The following UPF1 variants were observed in gnomAD, a reference collection of about 807,000 sequenced individuals.
UPF1 encodes the protein UPF1 RNA helicase and ATPase.
Under a neutral mutation model 129.2 loss-of-function variants are expected in UPF1, and 9 were observed. The observed-to-expected ratio is 0.07, with a 90% CI of 0.04 to 0.12. UPF1 has a LOEUF of 0.12. Ranked by LOEUF, UPF1 falls within the 10% of genes least tolerant of loss-of-function variation. The pLI, the probability that UPF1 is intolerant of heterozygous loss-of-function variation, is 1.00. For synonymous variants in UPF1, 649 were observed against 644.9 expected (o/e 1.01, Z -0.10); for missense variants, 788 against 1,525.3 (o/e 0.52, Z 8.05).
intron 20 of UPF1, 53 bp downstream of exon 20, chr19:18,864,304 C>A: frequency 1.3e-6 from 2 of 1,506,992 alleles, no homozygotes; most frequent in Non-Finnish European, 1.8e-6. Context: ...CACCGGGATG[C>A]TGGCCGTTCC....
At chr19:18,834,488 C>CAA (rs1224742991) in intron 1 of UPF1, among the ~76,000 whole-genome samples, 1 of 152,034 alleles carries the variant, frequency 6.6e-6, no homozygotes, top group Non-Finnish European at 1.5e-5. Flanking sequence ...CTGGGCTGTA[C>CAA]AAAAGGAGAG....
Position 18,832,516 on chromosome 19 carries a change from C to G in UPF1, c.231+76C>G. 1 of 969,172 alleles carries G rather than the reference C, an allele frequency of 1.0e-6. No individual in the cohort carries two copies. Among genetic ancestry groups the G allele is most frequent in the Middle Eastern group, 5.2e-4 (1 of 1,928 alleles). The allele number at this position is 969,172 out of a possible 1,614,324, so 60.0% of individuals were successfully genotyped here. On this transcript the variant is annotated intron_variant, in intron 1 of 23. Coordinates refer to ENST00000262803, the MANE Select transcript of UPF1 (RefSeq NM_002911.4). The surrounding 1 kb of genome is among the most constrained non-coding windows in gnomAD (Gnocchi z 5.6). ...AGACCTGCCCCGAACTCGCCTCGGGCCCGGCCTGTGTTTGGCCGGAGTCCC... is the reference window on the plus strand; with the variant it reads ...AGACCTGCCCCGAACTCGCCTCGGGGCCGGCCTGTGTTTGGCCGGAGTCCC...
intron 3 of UPF1, chr19:18,848,296 C>G (rs1307965203): frequency 6.0e-6 from 1 of 166,826 alleles, no homozygotes; most frequent in African/African-American, 2.4e-5. Context: ...CGGCGCTGGG[C>G]TTGCCTTCCT....
intron 1 of UPF1, chr19:18,833,186 T>C (rs2055447802): frequency 2.0e-5 from 3 of 152,206 alleles, no homozygotes; most frequent in Middle Eastern, 3.4e-3. Flanking sequence ...TCCCCATGCA[T>C]AGGGGCGCTG....
At chr19:18,844,305 G>C (rs371621324) in intron 1 of UPF1, among the ~76,000 whole-genome samples, 1 of 147,732 alleles carries the variant, frequency 6.8e-6, no homozygotes, top group Non-Finnish European at 1.5e-5. Flanking sequence ...GGGCCGGGGG[G>C]GGGTTTGGGT....
chr19:18,857,963 C>T (rs542385746), intron 15 of UPF1, among the ~76,000 whole-genome samples: 2 of 152,344 alleles, frequency 1.3e-5, no homozygotes, highest in Non-Finnish European at 2.9e-5. Context: ...CCCTTTTTCA[C>T]TCTGCTGACG....
At chr19:18,837,037 C>T (rs933967573) in intron 1 of UPF1, among the ~76,000 whole-genome samples, 5 of 152,096 alleles carry the variant, frequency 3.3e-5, no homozygotes, top group Admixed American at 3.3e-4. Flanking sequence ...CAGCCGTGAG[C>T]CACTGCGCCC....
intron 2 of UPF1, among the ~76,000 whole-genome samples, 178 bp downstream of exon 2, chr19:18,846,297 G>A (rs545156235): frequency 2.6e-5 from 4 of 152,294 alleles, no homozygotes; most frequent in East Asian, 1.9e-4. Flanking sequence ...GCCTGTTACC[G>A]GTCAGGAGGT....
At position 18,866,945 on chromosome 19, in the gene UPF1, GCGTGCGGGGCAGAGC is replaced by G. The variant is rs1442084529; in HGVS notation, c.*430_*444del. 6.6e-6 allele frequency: 1 copy of G among 152,636 alleles called. No homozygotes were observed. The highest frequency in any genetic ancestry group is 1.5e-5 in the Non-Finnish European group (1 of 68,058). The allele number at this position is 152,636 out of a possible 1,614,324, so 9.5% of individuals were successfully genotyped here. A position where few individuals can be genotyped will look rare whatever the true frequency, so the allele number is the denominator to read the frequency against. ...GAGCAGGCTCCTTGCAAAGACAGCA[GCGTGCGGGGCAGAGC>G]CCCGGGAGGGCGCGTCTGTCCACGC... On this transcript the variant is annotated 3_prime_UTR_variant, in exon 24 of 24. Coordinates refer to ENST00000262803, the MANE Select transcript of UPF1 (RefSeq NM_002911.4).
intron 11 of UPF1, 188 bp from the exon 12 acceptor site, chr19:18,855,737 A>G (rs1021410412): frequency 3.2e-5 from 25 of 788,234 alleles, no homozygotes; most frequent in East Asian, 8.3e-5. Flanking sequence ...GGTCCCAGCT[A>G]CTCAGGAGGC....
chr19:18,852,029 C>T, intron 5 of UPF1, 106 bp from the exon 6 acceptor site: 3 of 1,426,306 alleles, frequency 2.1e-6, no homozygotes, highest in Non-Finnish European at 2.8e-6. Context: ...GTGGCCCATT[C>T]TGAGAAGCGG....
intron 1 of UPF1, among the ~76,000 whole-genome samples, chr19:18,838,781 G>A (rs1403370439): frequency 2.6e-5 from 4 of 152,226 alleles, no homozygotes; most frequent in Non-Finnish European, 4.4e-5. Context: ...TGTTTGGTCA[G>A]CACTTACCCC....
Position 18,850,770 on chromosome 19 carries a change from T to G in UPF1, c.712T>G (p.Phe238Val). 6.2e-7 allele frequency: 1 copy of G among 1,611,904 alleles called. No homozygotes were observed. Among genetic ancestry groups the G allele is most frequent in the South Asian group, 1.1e-5 (1 of 90,740 alleles). Reference protein sequence around the residue: ...QWQPLIQDRCFLSWLVKIPSE... With the variant: ...QWQPLIQDRCVLSWLVKIPSE... ...GCAGCCGCTGATCCAGGACCGCTGCTTCCTGTCCTGGCTGGTCAAGATCCC... is the reference window on the plus strand; with the variant it reads ...GCAGCCGCTGATCCAGGACCGCTGCGTCCTGTCCTGGCTGGTCAAGATCCC... The change falls in exon 5 of 24, where the codon TTC becomes GTC. Residue 238 changes from phenylalanine (F) to valine (V), a missense_variant. Coordinates refer to ENST00000262803, the MANE Select transcript of UPF1 (RefSeq NM_002911.4). This position sits in a 1 kb window ranked among gnomAD's most constrained non-coding sequence, Gnocchi z 7.1.
chr19:18,841,838 C>G (rs759654351), intron 1 of UPF1, among the ~76,000 whole-genome samples: 55 of 152,296 alleles, frequency 3.6e-4, no homozygotes, highest in Non-Finnish European at 5.3e-4. Context: ...CTGGCTGGAA[C>G]AAGGGTCTGC....
intron 1 of UPF1, among the ~76,000 whole-genome samples, chr19:18,844,336 T>C (rs1456065659): frequency 6.6e-6 from 1 of 151,692 alleles, no homozygotes; most frequent in Non-Finnish European, 1.5e-5. Flanking sequence ...TCTTTTTTTT[T>C]TTGAGATGGA....
chr19:18,850,053 G>A lies in UPF1; in HGVS notation c.462-22G>A, dbSNP rs1286350841. ...AAAAGCCAAATTTTGGGTGTTAACC[G>A]TTTATCATTTCCTGGTTTCAGCCAC... On this transcript the variant is annotated intron_variant, in intron 3 of 23. Coordinates refer to ENST00000262803, the MANE Select transcript of UPF1 (RefSeq NM_002911.4). The surrounding 1 kb of genome is among the most constrained non-coding windows in gnomAD (Gnocchi z 7.1). 1.9e-6 allele frequency: 3 copies of A among 1,613,856 alleles called. No individual in the cohort carries two copies. The highest frequency in any genetic ancestry group is 1.7e-5 in the Admixed American group (1 of 59,918).
chr19:18,852,945 G>T (rs1160291499), intron 6 of UPF1, 42 bp from the exon 7 acceptor site: 1 of 1,566,232 alleles, frequency 6.4e-7, no homozygotes, highest in Non-Finnish European at 8.8e-7. Context: ...GCCCGGGCCT[G>T]TGCTGGAGGC....
chr19:18,841,064 G>A (rs539057155), intron 1 of UPF1, among the ~76,000 whole-genome samples: 84 of 152,236 alleles, frequency 5.5e-4, no homozygotes, highest in Non-Finnish European at 9.7e-4. Context: ...TCAGAGCTGC[G>A]CTGCCTGCAC....
At chr19:18,839,758 T>C (rs2055521801) in intron 1 of UPF1, among the ~76,000 whole-genome samples, 1 of 152,176 alleles carries the variant, frequency 6.6e-6, no homozygotes. Context: ...GCTGTGCTTG[T>C]GGGACTGAGG....
Sources: allele counts gnomAD v4.1 joint callset (sites outside exome capture counted in the v4.1 genomes callset), GRCh38; gene constraint gnomAD v4.1.1; non-coding constraint Gnocchi (gnomAD v3.1); transcripts MANE v1.5; gene names NCBI Gene and HGNC (gene_info 2026-07-23, HGNC 2026-07-21).